Variants in S100Z observed in about 807,000 individuals in gnomAD.
The protein encoded by S100Z is protein S100-Z.
In S100Z, 11 loss-of-function variants were observed where a neutral mutation model predicts 8.5. The ratio of observed to expected loss-of-function variants is 1.30; its 90% CI spans 0.82 to 2.15. The LOEUF is 2.15. Among genes scored for constraint, S100Z ranks in the 30% most tolerant of loss-of-function variants. The probability of loss-of-function intolerance (pLI) is 0.00; values close to 1 mark genes in which losing one functional copy is unlikely to be tolerated. For synonymous variants in S100Z, 34 were observed against 43.8 expected (o/e 0.78, Z 0.89); for missense variants, 126 against 117.9 (o/e 1.07, Z -0.32).
At chr5:76,851,209 C>G (rs992295781) in intron 1 of S100Z, among the ~76,000 whole-genome samples, 1 of 152,182 alleles carries the variant, frequency 6.6e-6, no homozygotes, top group Admixed American at 6.5e-5. Context: ...ATGGGCAGCA[C>G]AGTGGCAGTG....
chr5:76,920,830 C>T lies in S100Z; in HGVS notation c.*116C>T, dbSNP rs1367565761. 1 of 152,176 alleles carries T rather than the reference C, an allele frequency of 6.6e-6. No homozygotes were observed. Among genetic ancestry groups the T allele is most frequent in the Non-Finnish European group, 1.5e-5 (1 of 68,032 alleles). 9.4% of individuals were successfully genotyped at this position (152,176 alleles called of 1,614,324 possible). A position where few individuals can be genotyped will look rare whatever the true frequency, so the allele number is the denominator to read the frequency against. ...TAGCACTGAATGTGTTTAGTAGTGCCTTTGGCTTGGGGGCTTTGGAGAAAG... is the reference window on the plus strand; with the variant it reads ...TAGCACTGAATGTGTTTAGTAGTGCTTTTGGCTTGGGGGCTTTGGAGAAAG... On this transcript the variant is annotated 3_prime_UTR_variant, in exon 5 of 5. Transcript: ENST00000317593.
chr5:76,890,713 C>T (rs1743828685), intron 4 of S100Z, among the ~76,000 whole-genome samples: 4 of 152,056 alleles, frequency 2.6e-5, no homozygotes, highest in African/African-American at 2.4e-5. Context: ...TGTGGCATCC[C>T]TAGGGTGTGG....
the S100Z span, among the ~76,000 whole-genome samples, chr5:76,927,141 C>T: frequency 3.9e-5 from 6 of 152,274 alleles, no homozygotes; most frequent in East Asian, 9.6e-4. Flanking sequence ...AAAAGTGAAG[C>T]GTGGAAATAA....
the S100Z span, among the ~76,000 whole-genome samples, chr5:76,945,037 T>G: frequency 9.2e-5 from 14 of 152,198 alleles, no homozygotes; most frequent in African/African-American, 3.4e-4. Flanking sequence ...CATTTTGACC[T>G]GTACTCTGAA....
At chr5:76,866,420 A>G (rs1742736776) in intron 1 of S100Z, among the ~76,000 whole-genome samples, 1 of 152,174 alleles carries the variant, frequency 6.6e-6, no homozygotes, top group Admixed American at 6.5e-5. Context: ...AGTGCAGCCT[A>G]ACTGTACAAT....
chr5:76,883,249 C>T (rs565769642), intron 4 of S100Z, among the ~76,000 whole-genome samples: 8 of 151,832 alleles, frequency 5.3e-5, no homozygotes, highest in South Asian at 4.2e-4. Flanking sequence ...TAGGGGGATA[C>T]GAGAGGAGGA....
chr5:76,882,856 C>T (rs1743461343), intron 4 of S100Z, among the ~76,000 whole-genome samples: 1 of 152,008 alleles, frequency 6.6e-6, no homozygotes, highest in African/African-American at 2.4e-5. Context: ...GTAAAGAAAG[C>T]ATGTTTGAGA....
chr5:76,952,536 G>T, the S100Z span, among the ~76,000 whole-genome samples: 1 of 152,218 alleles, frequency 6.6e-6, no homozygotes, highest in African/African-American at 2.4e-5. Context: ...TTCTGCTTCT[G>T]TTCCACCTCT....
At chr5:76,924,912 CAAA>C (rs34845921), downstream of S100Z, among the ~76,000 whole-genome samples, 200 of 144,910 alleles carry the variant, frequency 1.4e-3, no homozygotes, top group African/African-American at 5.0e-3. Context: ...GACTCTGTCT[CAAA>C]AAAAAAAAAA....
At chr5:76,855,967 T>C (rs1031239193) in intron 1 of S100Z, among the ~76,000 whole-genome samples, 1 of 152,124 alleles carries the variant, frequency 6.6e-6, no homozygotes, top group Non-Finnish European at 1.5e-5. Context: ...AAGGTGCTGT[T>C]CTCATGAAAG....
At chr5:76,949,046 A>G in the S100Z span, among the ~76,000 whole-genome samples, 1 of 152,196 alleles carries the variant, frequency 6.6e-6, no homozygotes, top group Non-Finnish European at 1.5e-5. Context: ...CCTCCATGAC[A>G]CATGTTTACC....
chr5:76,942,375 G>A, the S100Z span, among the ~76,000 whole-genome samples: 2 of 133,740 alleles, frequency 1.5e-5, no homozygotes, highest in Non-Finnish European at 3.1e-5. Flanking sequence ...GCCTCTGAAA[G>A]TGCTGGGATT....
At chr5:76,934,962 T>G in the S100Z span, among the ~76,000 whole-genome samples, 1 of 152,172 alleles carries the variant, frequency 6.6e-6, no homozygotes, top group African/African-American at 2.4e-5. Context: ...GCCCCATGAG[T>G]CATCCTTTCA....
chr5:76,932,400 C>G, the S100Z span, among the ~76,000 whole-genome samples: 1 of 152,148 alleles, frequency 6.6e-6, no homozygotes, highest in African/African-American at 2.4e-5. Context: ...GTTGCCCAGG[C>G]TGGAGTGCGG....
At chr5:76,910,728 C>G (rs1210438243) in intron 4 of S100Z, among the ~76,000 whole-genome samples, 1 of 152,168 alleles carries the variant, frequency 6.6e-6, no homozygotes, top group Non-Finnish European at 1.5e-5. Context: ...ATCACCCTCA[C>G]TGAGCCCTGG....
At chr5:76,905,152 G>A (rs938197054) in intron 4 of S100Z, among the ~76,000 whole-genome samples, 4 of 152,102 alleles carry the variant, frequency 2.6e-5, no homozygotes, top group African/African-American at 9.7e-5. Flanking sequence ...AATCTAAGAT[G>A]TCAATAGTAC....
At chr5:76,874,907 C>T (rs896514940) in intron 2 of S100Z, among the ~76,000 whole-genome samples, 77 of 151,478 alleles carry the variant, frequency 5.1e-4, no homozygotes, top group African/African-American at 1.8e-3. Context: ...TTTTTTGAGA[C>T]GGCGTCTCGC....
At chr5:76,851,743 C>T (rs1443484354) in intron 1 of S100Z, among the ~76,000 whole-genome samples, 1 of 152,102 alleles carries the variant, frequency 6.6e-6, no homozygotes, top group Non-Finnish European at 1.5e-5. Context: ...TATTTATACT[C>T]TCCTGGGTCC....
At chr5:76,941,238 C>G in the S100Z span, among the ~76,000 whole-genome samples, 3 of 152,112 alleles carry the variant, frequency 2.0e-5, no homozygotes, top group African/African-American at 7.2e-5. Flanking sequence ...TTTACAATGT[C>G]AAAGTGATAT....
Sources: allele counts gnomAD v4.1 joint callset (sites outside exome capture counted in the v4.1 genomes callset), GRCh38; gene constraint gnomAD v4.1.1; transcripts MANE v1.5; gene names NCBI Gene and HGNC (gene_info 2026-07-23, HGNC 2026-07-21).